The following RHBDL2 variants were observed in gnomAD, a reference collection of about 807,000 sequenced individuals.
RHBDL2 encodes rhomboid-related protein 2.
A neutral mutation model predicts 31.7 loss-of-function variants in RHBDL2; 26 were observed. The ratio of observed to expected loss-of-function variants is 0.82; its 90% CI spans 0.60 to 1.14. The LOEUF (loss-of-function observed/expected upper bound fraction) is 1.14, where lower values mean the gene tolerates loss of function less well. Among genes scored for constraint, RHBDL2 ranks in the 50% most tolerant of loss-of-function variants. The pLI is 0.00. For missense variants in RHBDL2, 336 were observed against 364.4 expected (o/e 0.92, Z 0.63); for synonymous variants, 123 against 127.2 (o/e 0.97, Z 0.22).
chr1:38,922,694 G>C (rs1196611826), intron 1 of RHBDL2, among the ~76,000 whole-genome samples: 2 of 146,956 alleles, frequency 1.4e-5, no homozygotes, highest in Non-Finnish European at 3.0e-5. Context: ...GCTCACAGGT[G>C]CTCCTTCCAG....
At chr1:38,914,368 A>C (rs1382800392) in intron 3 of RHBDL2, among the ~76,000 whole-genome samples, 1 of 151,878 alleles carries the variant, frequency 6.6e-6, no homozygotes, top group Non-Finnish European at 1.5e-5. Flanking sequence ...CAGCCTCCTG[A>C]GTAGCTGAGA....
At chr1:38,902,689 G>A (rs1436982594) in intron 4 of RHBDL2, among the ~76,000 whole-genome samples, 1 of 151,872 alleles carries the variant, frequency 6.6e-6, no homozygotes, top group African/African-American at 2.4e-5. Context: ...CCAAGTGCTG[G>A]GATTACAGGC....
chr1:38,933,207 AC>A (rs1304634405), intron 1 of RHBDL2, among the ~76,000 whole-genome samples: 1 of 152,038 alleles, frequency 6.6e-6, no homozygotes, highest in Non-Finnish European at 1.5e-5. Context: ...CCTGGAATAC[AC>A]CAAATCTTCT....
chr1:38,925,961 G>T lies in RHBDL2; in HGVS notation c.-125-6624C>A, dbSNP rs903314507. On this transcript the variant is annotated intron_variant, in intron 1 of 7. Transcript: ENST00000372990. ...GAGTAACTAATAAATTACCAAAATTGCAAGTGTTGAATCTGCAAATGTCAA... is the reference window on the plus strand; with the variant it reads ...GAGTAACTAATAAATTACCAAAATTTCAAGTGTTGAATCTGCAAATGTCAA... The T allele has an allele frequency of 2.4e-6, 3 of 1,270,406 alleles. No individual in the cohort carries two copies. The South Asian group carries it at 3.8e-5, about 16-fold the overall frequency. 78.7% of individuals were successfully genotyped at this position (1,270,406 alleles called of 1,614,324 possible).
intron 1 of RHBDL2, among the ~76,000 whole-genome samples, chr1:38,935,969 G>A (rs1221963423): frequency 6.6e-6 from 1 of 152,074 alleles, no homozygotes; most frequent in Non-Finnish European, 1.5e-5. Context: ...CTGGAGTGCA[G>A]TGATGCAAAC....
rs896672059 is a variant in RHBDL2, at chr1:38,929,421, G to A, written c.-125-10084C>T. ...TTCCCTTCTTCGCCTCACCCAGGAA[G>A]GCCCTGGCAAGGCCAACACCCTTAT... On this transcript the variant is annotated intron_variant, in intron 1 of 7. Coordinates refer to ENST00000372990, the MANE Select transcript of RHBDL2 (RefSeq NM_017821.5). 25 of 1,289,338 alleles carry A rather than the reference G, an allele frequency of 1.9e-5. No individual in the cohort carries two copies. The Admixed American group carries it at 4.6e-4, about 24-fold the overall frequency. The allele number at this position is 1,289,338 out of a possible 1,614,324, so 79.9% of individuals were successfully genotyped here. A position where few individuals can be genotyped will look rare whatever the true frequency, so the allele number is the denominator to read the frequency against.
rs1643225304 is a variant in RHBDL2 at position 38,915,711 on chromosome 1, C to G, written c.247-1G>C. The G allele has an allele frequency of 6.2e-7, 1 of 1,614,114 alleles. No individual in the cohort carries two copies. The highest frequency in any genetic ancestry group is 8.5e-7 in the Non-Finnish European group (1 of 1,180,010). On this transcript the variant is annotated splice_acceptor_variant, in intron 2 of 7. Transcript: ENST00000372990. LOFTEE classifies it high-confidence loss of function. ...CAGCATAGTAAATAAACACTGCCAG[C>G]TGATGGAGGGAGCAGACATGAGTAT...
chr1:38,901,229 A>T (rs1288315492), intron 4 of RHBDL2, among the ~76,000 whole-genome samples: 1 of 151,692 alleles, frequency 6.6e-6, no homozygotes, highest in East Asian at 1.9e-4. Flanking sequence ...TTGGGAGGAC[A>T]AGGCAGGCAG....
intron 1 of RHBDL2, among the ~76,000 whole-genome samples, chr1:38,923,411 T>G (rs764459476): frequency 3.3e-5 from 5 of 152,236 alleles, no homozygotes; most frequent in Non-Finnish European, 7.3e-5. Context: ...CATGGGTAGT[T>G]CTTCCTTACA....
intron 6 of RHBDL2, among the ~76,000 whole-genome samples, chr1:38,891,522 T>C (rs1015180244): frequency 2.0e-5 from 3 of 152,224 alleles, no homozygotes; most frequent in Non-Finnish European, 4.4e-5. Flanking sequence ...ATGTGTCCTC[T>C]GATTCTGGGT....
chr1:38,893,241 T>C lies in RHBDL2; in HGVS notation c.610-17A>G. The C allele has an allele frequency of 1.6e-6, 2 of 1,248,024 alleles. No individual in the cohort carries two copies. The highest frequency in any genetic ancestry group is 1.2e-6 in the Non-Finnish European group (1 of 856,196). 77.3% of individuals were successfully genotyped at this position (1,248,024 alleles called of 1,614,324 possible). A position where few individuals can be genotyped will look rare whatever the true frequency, so the allele number is the denominator to read the frequency against. ...TTGAAAATTCTTAAAAAGAGATAAA[T>C]AATAATTATATAAGCTATCTATGGA... On this transcript the variant is annotated splice_polypyrimidine_tract_variant and intron_variant, in intron 5 of 7. Transcript: ENST00000372990.
intron 4 of RHBDL2, among the ~76,000 whole-genome samples, chr1:38,896,936 A>C (rs1642925694): frequency 6.6e-6 from 1 of 152,224 alleles, no homozygotes; most frequent in African/African-American, 2.4e-5. Flanking sequence ...TAATTTTACA[A>C]AGAGATGAGC....
intron 1 of RHBDL2, among the ~76,000 whole-genome samples, chr1:38,937,457 A>G (rs1252328978): frequency 4.6e-5 from 7 of 152,186 alleles, no homozygotes; most frequent in African/African-American, 1.7e-4. Context: ...AGAAACAATG[A>G]AAACAGAGTT....
chr1:38,890,671 T>C (rs778908914), intron 6 of RHBDL2, among the ~76,000 whole-genome samples: 7 of 152,086 alleles, frequency 4.6e-5, no homozygotes, highest in Non-Finnish European at 1.0e-4. Context: ...CCTTAAAAAT[T>C]TAACATTTAC....
At chr1:38,935,595 T>A (rs1261782944) in intron 1 of RHBDL2, among the ~76,000 whole-genome samples, 2 of 152,128 alleles carry the variant, frequency 1.3e-5, no homozygotes, top group African/African-American at 4.8e-5. Context: ...TGGCACATAA[T>A]TAGCATTGAG....
At chr1:38,897,103 C>CT (rs1214407153) in intron 4 of RHBDL2, among the ~76,000 whole-genome samples, 547 of 141,962 alleles carry the variant, frequency 3.9e-3, no homozygotes, top group East Asian at 4.6e-3. Flanking sequence ...TTTGAAGAAT[C>CT]TTTTTTTTTT....
Position 38,911,318 on chromosome 1 carries a change from T to C in RHBDL2, c.508+4A>G, listed in dbSNP as rs1000671936. On this transcript the variant is annotated splice_donor_region_variant and intron_variant, in intron 4 of 7. Coordinates refer to ENST00000372990, the MANE Select transcript of RHBDL2 (RefSeq NM_017821.5). ...TTGATTCTGTGTTACCTCAGAACAC[T>C]GACCTGCAATCACTCCTGCCAGGTA... 1.3e-6 allele frequency: 2 copies of C among 1,583,134 alleles called. No individual in the cohort carries two copies. Among genetic ancestry groups the C allele is most frequent in the Non-Finnish European group, 1.7e-6 (2 of 1,151,788 alleles).
chr1:38,937,498 G>A (rs59636225), intron 1 of RHBDL2, among the ~76,000 whole-genome samples: 9,620 of 152,128 alleles, frequency 0.063, 914 homozygotes, highest in East Asian at 0.46. Context: ...ATCCAGACAA[G>A]CAGATGACTT....
intron 4 of RHBDL2, among the ~76,000 whole-genome samples, chr1:38,901,475 A>AG (rs1205267954): frequency 2.0e-5 from 3 of 150,136 alleles, no homozygotes; most frequent in Admixed American, 2.0e-4. Flanking sequence ...AAAAAAAAAA[A>AG]GAAAGAAAGA....
Sources: gnomAD v4.1 joint callset for allele counts (sites outside exome capture counted in the v4.1 genomes callset) on GRCh38, gnomAD v4.1.1 for gene constraint, MANE v1.5 for transcripts, NCBI Gene and HGNC (gene_info 2026-07-23, HGNC 2026-07-21) for gene names.